THADA: variants seen among roughly 807,000 people sequenced by gnomAD.
THADA encodes THADA armadillo repeat containing.
THADA carries 213 observed loss-of-function variants against 219.8 expected under a neutral mutation model. That is an observed-to-expected ratio of 0.97 (90% confidence interval 0.87 to 1.09). The LOEUF is 1.09. Among genes scored for constraint, THADA ranks in the 50% least tolerant of loss-of-function variants. The pLI, the probability that THADA is intolerant of heterozygous loss-of-function variation, is 0.00. For missense variants in THADA, 2,956 were observed against 2,311.3 expected (o/e 1.28, Z -5.72); for synonymous variants, 1,018 against 828.9 (o/e 1.23, Z -3.92).
chr2:43,480,452 G>T (rs1454933316), intron 26 of THADA, among the ~76,000 whole-genome samples: 1 of 152,118 alleles, frequency 6.6e-6, no homozygotes, highest in Non-Finnish European at 1.5e-5. Context: ...AACTAGCAGA[G>T]GGCCTGGCCC....
rs529013642 is a variant in THADA, at chr2:43,514,187, C to T, written c.3375-5407G>A. On this transcript the variant is annotated intron_variant, in intron 22 of 37. Transcript: ENST00000405975. ...ACTTTCAGCCAAGCACGGTGGCTCA[C>T]GCCTGTAATCCCAGCACTTTGGAAG... 1.6e-3 allele frequency among the ~76,000 whole-genome samples: 245 copies of T among 151,884 alleles called. 1 individual carries two copies. Among genetic ancestry groups the T allele is most frequent in the African/African-American group, 5.6e-3 (233 of 41,456 alleles).
intron 28 of THADA, among the ~76,000 whole-genome samples, chr2:43,399,396 G>A (rs901509415): frequency 6.6e-6 from 1 of 152,192 alleles, no homozygotes. Context: ...TAGAGGGACA[G>A]GGCCCTACAA....
At chr2:43,369,048 A>T (rs1016927395) in intron 29 of THADA, among the ~76,000 whole-genome samples, 1 of 152,208 alleles carries the variant, frequency 6.6e-6, no homozygotes, top group Non-Finnish European at 1.5e-5. Flanking sequence ...TCTTCATAAG[A>T]TGTATCACGT....
At chr2:43,347,053 A>G (rs1162239223) in intron 29 of THADA, among the ~76,000 whole-genome samples, 1 of 151,972 alleles carries the variant, frequency 6.6e-6, no homozygotes, top group African/African-American at 2.4e-5. Flanking sequence ...ATCACGCCGT[A>G]CTCCTCATCC....
At chr2:43,275,940 C>G (rs114904276) in intron 36 of THADA, among the ~76,000 whole-genome samples, 1 of 152,124 alleles carries the variant, frequency 6.6e-6, no homozygotes, top group African/African-American at 2.4e-5. Context: ...ATTAAATGCC[C>G]GATGTGGTAT....
chr2:43,351,107 C>G (rs11899984), intron 29 of THADA, among the ~76,000 whole-genome samples: 4 of 151,978 alleles, frequency 2.6e-5, no homozygotes, highest in Non-Finnish European at 5.9e-5. Flanking sequence ...CACCCAGATG[C>G]TAAAAACAAC....
intron 36 of THADA, among the ~76,000 whole-genome samples, chr2:43,276,460 T>A (rs978145066): frequency 2.6e-5 from 4 of 152,208 alleles, no homozygotes; most frequent in African/African-American, 9.7e-5. Context: ...CCTTCTAGAA[T>A]CATTAACTAA....
chr2:43,371,576 G>T (rs1553413635), intron 29 of THADA, among the ~76,000 whole-genome samples: 2 of 151,488 alleles, frequency 1.3e-5, no homozygotes, highest in East Asian at 3.9e-4. Context: ...TAAAGACAAA[G>T]AAAAAAAACA....
At chr2:43,513,632 A>G (rs987442561) in intron 22 of THADA, among the ~76,000 whole-genome samples, 2 of 152,136 alleles carry the variant, frequency 1.3e-5, no homozygotes, top group Admixed American at 6.5e-5. Context: ...GTGAAGGGGG[A>G]CACCCAAAAT....
intron 26 of THADA, among the ~76,000 whole-genome samples, chr2:43,480,770 A>T (rs999841483): frequency 6.6e-6 from 1 of 150,934 alleles, no homozygotes; most frequent in Admixed American, 6.6e-5. Flanking sequence ...GTGAGTTGAG[A>T]TCCTGCCATT....
intron 29 of THADA, among the ~76,000 whole-genome samples, chr2:43,368,269 A>G (rs116552670): frequency 1.1e-3 from 171 of 152,308 alleles, no homozygotes; most frequent in African/African-American, 3.8e-3. Context: ...AGGAGGTACA[A>G]AAGTTCATTT....
chr2:43,384,216 T>A (rs762904264), intron 29 of THADA, among the ~76,000 whole-genome samples: 2 of 152,034 alleles, frequency 1.3e-5, no homozygotes, highest in African/African-American at 2.4e-5. Flanking sequence ...ACAAAGTAAA[T>A]CACACATTTT....
chr2:43,578,664 G>C, intron 8 of THADA, 57 bp from the exon 9 acceptor site: 1 of 1,314,310 alleles, frequency 7.6e-7, no homozygotes, highest in Non-Finnish European at 1.1e-6. Context: ...CTGGTAGAGT[G>C]GAAAGAGCAG....
chr2:43,580,838 C>G (rs777893051), intron 8 of THADA, among the ~76,000 whole-genome samples: 7 of 151,784 alleles, frequency 4.6e-5, no homozygotes, highest in Non-Finnish European at 1.0e-4. Flanking sequence ...CAAGATCACG[C>G]CACTGCACTC....
At chr2:43,447,539 C>T (rs1681733492) in intron 26 of THADA, among the ~76,000 whole-genome samples, 1 of 152,128 alleles carries the variant, frequency 6.6e-6, no homozygotes, top group Non-Finnish European at 1.5e-5. Context: ...TTTGAAGGGC[C>T]ATTAATCTGC....
chr2:43,540,945 T>A (rs550737592), intron 21 of THADA, among the ~76,000 whole-genome samples: 1 of 152,302 alleles, frequency 6.6e-6, no homozygotes, highest in South Asian at 2.1e-4. Context: ...TACAGTTATT[T>A]ATATACCTTA....
At chr2:43,279,983 G>A in intron 35 of THADA, 87 bp from the exon 36 acceptor site, 1 of 1,294,268 alleles carries the variant, frequency 7.7e-7, no homozygotes, top group Middle Eastern at 2.4e-4. Context: ...GTGGAAGAGA[G>A]GAGCATTGAA....
chr2:43,372,919 C>T (rs6544648), intron 29 of THADA, among the ~76,000 whole-genome samples: 29,651 of 151,950 alleles, frequency 0.2, 3,081 homozygotes, highest in Middle Eastern at 0.24. Flanking sequence ...AGCCAGGCTG[C>T]TCTTGGACTC....
At chr2:43,415,702 G>C (rs188509453) in intron 28 of THADA, among the ~76,000 whole-genome samples, 2 of 152,184 alleles carry the variant, frequency 1.3e-5, no homozygotes, top group East Asian at 3.9e-4. Flanking sequence ...CTTCTGTCAG[G>C]CTGTGGAGCC....
Sources: allele counts gnomAD v4.1 joint callset (sites outside exome capture counted in the v4.1 genomes callset), GRCh38; gene constraint gnomAD v4.1.1; transcripts MANE v1.5; gene names NCBI Gene and HGNC (gene_info 2026-07-23, HGNC 2026-07-21).